Variants in CEP83 observed in about 807,000 individuals in gnomAD.
The protein encoded by CEP83 is centrosomal protein of 83 kDa.
In CEP83, 70 loss-of-function variants were observed where a neutral mutation model predicts 101.9. The observed-to-expected ratio is 0.69, with a 90% confidence interval of 0.57 to 0.84. The LOEUF is 0.84. CEP83 is among the 40% of genes least tolerant of loss of function. The probability of loss-of-function intolerance (pLI) is 0.00; values close to 1 mark genes in which losing one functional copy is unlikely to be tolerated. For missense variants in CEP83, 715 were observed against 787.2 expected (o/e 0.91, Z 1.10); for synonymous variants, 264 against 267.9 (o/e 0.99, Z 0.14).
intron 11 of CEP83, among the ~76,000 whole-genome samples, chr12:94,358,825 G>A (rs1424640137): frequency 6.6e-6 from 1 of 152,184 alleles, no homozygotes; most frequent in African/African-American, 2.4e-5. Flanking sequence ...CATGTTGGGA[G>A]CAACCCCCCA....
At chr12:94,317,995 C>T (rs1971005558) in intron 14 of CEP83, among the ~76,000 whole-genome samples, 1 of 152,082 alleles carries the variant, frequency 6.6e-6, no homozygotes, top group Admixed American at 6.5e-5. Context: ...AGCACTGAAT[C>T]AATAAATTGC....
At chr12:94,416,819 T>A (rs985137964) in intron 2 of CEP83, among the ~76,000 whole-genome samples, 51 of 150,706 alleles carry the variant, frequency 3.4e-4, no homozygotes, top group African/African-American at 1.2e-3. Context: ...AGGACCTCCC[T>A]CACCCCACTG....
chr12:94,290,100 G>A, the CEP83 span, among the ~76,000 whole-genome samples: 15 of 152,190 alleles, frequency 9.9e-5, no homozygotes, highest in African/African-American at 2.2e-4. Flanking sequence ...AAAACAAAGC[G>A]TCTGACAGTA....
At chr12:94,450,446 G>A (rs2067166909) in intron 1 of CEP83, among the ~76,000 whole-genome samples, 1 of 152,140 alleles carries the variant, frequency 6.6e-6, no homozygotes, top group Non-Finnish European at 1.5e-5. Flanking sequence ...TAGAGACGGG[G>A]TTTCACCGTG....
At chr12:94,372,146 G>C (rs1429020246) in intron 8 of CEP83, among the ~76,000 whole-genome samples, 2 of 151,898 alleles carry the variant, frequency 1.3e-5, no homozygotes, top group African/African-American at 4.8e-5. Flanking sequence ...GCTAAATTTT[G>C]TATTTTTAGT....
upstream of CEP83, chr12:94,459,970 G>C (rs190850810): frequency 0.013 from 1,966 of 152,686 alleles, 20 homozygotes; most frequent in Non-Finnish European, 0.021. Context: ...AGCGGCACGC[G>C]AAGCAGGAAG....
intron 11 of CEP83, among the ~76,000 whole-genome samples, chr12:94,341,845 T>A (rs902359466): frequency 1.3e-5 from 2 of 152,178 alleles, no homozygotes; most frequent in African/African-American, 4.8e-5. Flanking sequence ...GAACATTTTA[T>A]CACTATGGCA....
At chr12:94,347,223 T>G (rs2059983599) in intron 11 of CEP83, among the ~76,000 whole-genome samples, 2 of 151,782 alleles carry the variant, frequency 1.3e-5, no homozygotes, top group South Asian at 2.1e-4. Flanking sequence ...TATAAATCAA[T>G]AAGATAACTT....
intron 1 of CEP83, among the ~76,000 whole-genome samples, chr12:94,453,526 A>G (rs2067410737): frequency 6.6e-6 from 1 of 152,148 alleles, no homozygotes; most frequent in South Asian, 2.1e-4. Flanking sequence ...TACTTTGTCC[A>G]TTTCTCCCAT....
At chr12:94,400,089 C>T (rs1159592529) in intron 6 of CEP83, among the ~76,000 whole-genome samples, 1 of 152,036 alleles carries the variant, frequency 6.6e-6, no homozygotes, top group Non-Finnish European at 1.5e-5. Flanking sequence ...TAAATAAAGA[C>T]AATGCAATAA....
At chr12:94,349,864 G>A (rs539976863) in intron 11 of CEP83, among the ~76,000 whole-genome samples, 1 of 152,164 alleles carries the variant, frequency 6.6e-6, no homozygotes, top group Non-Finnish European at 1.5e-5. Context: ...CACTAACAAT[G>A]AATACTATGA....
intron 6 of CEP83, among the ~76,000 whole-genome samples, chr12:94,388,582 A>C (rs2062308796): frequency 6.6e-6 from 1 of 152,208 alleles, no homozygotes; most frequent in Non-Finnish European, 1.5e-5. Context: ...GTAACCCCTG[A>C]ATCTAAAATA....
At chr12:94,343,973 T>C (rs1168282695) in intron 11 of CEP83, among the ~76,000 whole-genome samples, 1 of 152,094 alleles carries the variant, frequency 6.6e-6, no homozygotes, top group African/African-American at 2.4e-5. Flanking sequence ...ACAAAAAGGA[T>C]AGACAAGAGG....
In CEP83 at chr12:94,308,968, T is replaced by C. The variant is rs548326645; in HGVS notation, c.2002-51A>G. Reference sequence around the variant, plus strand: ...GCAAAAGAAACTATTAGAAAAACTGTTAGGTAGCAACCTTGGACTGCCTCT... The same window carrying C: ...GCAAAAGAAACTATTAGAAAAACTGCTAGGTAGCAACCTTGGACTGCCTCT... On this transcript the variant is annotated intron_variant, in intron 16 of 16. Transcript: ENST00000397809. The C allele has an allele frequency of 2.3e-6, 3 of 1,304,628 alleles. No individual in the cohort carries two copies. The African/African-American group carries it at 4.4e-5, about 19-fold the overall frequency. 80.8% of individuals were successfully genotyped at this position (1,304,628 alleles called of 1,614,324 possible).
At chr12:94,281,893 C>T in the CEP83 span, 4 of 200,710 alleles carry the variant, frequency 2.0e-5, no homozygotes, top group South Asian at 7.6e-5. Context: ...CTGGGACCTT[C>T]GCACACTGAT....
chr12:94,411,931 C>G (rs2063909895), intron 3 of CEP83, 84 bp from the exon 4 acceptor site: 3 of 1,082,664 alleles, frequency 2.8e-6, no homozygotes, highest in Non-Finnish European at 4.1e-6. Flanking sequence ...ATCAACACCA[C>G]AGAAAAACAA....
intron 2 of CEP83, among the ~76,000 whole-genome samples, chr12:94,433,518 G>C (rs1439721096): frequency 6.6e-6 from 1 of 151,566 alleles, no homozygotes; most frequent in Non-Finnish European, 1.5e-5. Context: ...CTGTTTCTAA[G>C]AAAAATACAA....
intron 1 of CEP83, 52 bp from the exon 2 acceptor site, chr12:94,435,379 T>A (rs2065912569): frequency 6.6e-6 from 1 of 152,172 alleles, no homozygotes; most frequent in African/African-American, 2.4e-5. Flanking sequence ...ACTTACTAAG[T>A]TTCCCCCAGT....
intron 14 of CEP83, among the ~76,000 whole-genome samples, chr12:94,323,831 T>C (rs1003623529): frequency 6.6e-6 from 1 of 152,230 alleles, no homozygotes; most frequent in African/African-American, 2.4e-5. Context: ...AGAATTTTTA[T>C]AGATACCATT....
Sources: gnomAD v4.1 joint callset for allele counts (sites outside exome capture counted in the v4.1 genomes callset) on GRCh38, gnomAD v4.1.1 for gene constraint, MANE v1.5 for transcripts, NCBI Gene and HGNC (gene_info 2026-07-23, HGNC 2026-07-21) for gene names.